ITPR1: variants seen among roughly 807,000 people sequenced by gnomAD.
ITPR1 encodes inositol 1,4,5-trisphosphate receptor type 1, also known as inositol 1,4,5-trisphosphate-gated calcium channel ITPR1.
In ITPR1, 96 loss-of-function variants were observed where a neutral mutation model predicts 318.4. The ratio of observed to expected loss-of-function variants is 0.30; its 90% CI spans 0.26 to 0.36. The LOEUF (loss-of-function observed/expected upper bound fraction) is 0.36, where lower values mean the gene tolerates loss of function less well. Among genes scored for constraint, ITPR1 ranks in the 10% least tolerant of loss-of-function variants. The probability of loss-of-function intolerance (pLI) is 1.00; values close to 1 mark genes in which losing one functional copy is unlikely to be tolerated. For missense variants in ITPR1, 2,440 were observed against 3,460.2 expected, an observed-to-expected ratio of 0.71 and a Z score of 7.40; for synonymous variants, 1,312 against 1,289.9, an observed-to-expected ratio of 1.02 and a Z score of -0.37.
At chr3:4,635,546 TG>T (rs2093161216) in intron 5 of ITPR1, among the ~76,000 whole-genome samples, 1 of 151,904 alleles carries the variant, frequency 6.6e-6, no homozygotes, top group Non-Finnish European at 1.5e-5. Flanking sequence ...GGGGTTTCCC[TG>T]TGTTAGCCAG....
intron 4 of ITPR1, among the ~76,000 whole-genome samples, chr3:4,613,588 C>T (rs185796303): frequency 6.6e-6 from 1 of 152,266 alleles, no homozygotes; most frequent in Non-Finnish European, 1.5e-5. Context: ...GATGTCATCT[C>T]TCTCTCTTCT....
At chr3:4,558,453 CAAT>C (rs2086354834) in intron 4 of ITPR1, among the ~76,000 whole-genome samples, 1 of 151,884 alleles carries the variant, frequency 6.6e-6, no homozygotes, top group Non-Finnish European at 1.5e-5. Context: ...TAATCAACCT[CAAT>C]GATATGAAAG....
rs1250499934 is a variant in ITPR1, at chr3:4,725,615, C to T, written c.5172+34C>T. On this transcript the variant is annotated intron_variant, in intron 41 of 61. Coordinates refer to ENST00000649015, the MANE Select transcript of ITPR1 (RefSeq NM_001378452.1). ...CCCGCCTATATTTGTAGCGCCAGCG[C>T]CAGCAAATATGGATGCCTCTCAGTT... is the stretch of plus-strand genomic sequence containing the variant. 1.9e-6 allele frequency: 3 copies of T among 1,577,766 alleles called. No homozygotes were observed. The South Asian group carries it at 3.3e-5, about 17-fold the overall frequency.
Position 4,664,472 on chromosome 3 carries a change from G to C in ITPR1, c.1555-666G>C, listed in dbSNP as rs555766767. Among the ~76,000 whole-genome samples, 3 of 152,326 alleles carry C rather than the reference G, an allele frequency of 2.0e-5. No homozygotes were observed. The South Asian group carries it at 6.2e-4, about 32-fold the overall frequency. Reference sequence around the variant, plus strand: ...AGTCCCACTGGTCCCCATGGAACAAGGGATTTGAGATTATTTTTTCATGTT... The same window carrying C: ...AGTCCCACTGGTCCCCATGGAACAACGGATTTGAGATTATTTTTTCATGTT... On this transcript the variant is annotated intron_variant, in intron 16 of 61. Transcript: ENST00000649015.
intron 4 of ITPR1, among the ~76,000 whole-genome samples, chr3:4,602,129 A>G (rs1049236825): frequency 6.6e-6 from 1 of 152,240 alleles, no homozygotes; most frequent in African/African-American, 2.4e-5. Flanking sequence ...AAGTTAGGCA[A>G]TTCCTCAAAA....
chr3:4,730,371 A>ATGTGTG (rs369249391), intron 42 of ITPR1, among the ~76,000 whole-genome samples: 121 of 57,366 alleles, frequency 2.1e-3, no homozygotes, highest in South Asian at 3.9e-3. Context: ...GTTGGGTGGA[A>ATGTGTG]TGTGTGTGTG....
chr3:4,685,289 T>C (rs2094373568), intron 30 of ITPR1, 83 bp downstream of exon 30: 28 of 1,361,672 alleles, frequency 2.1e-5, no homozygotes, highest in Non-Finnish European at 2.7e-5. Flanking sequence ...ATCTGGATAT[T>C]GTTAGTGAAG....
At position 4,836,906 on chromosome 3, in the gene ITPR1, T is replaced by C. The variant is rs1394842658; in HGVS notation, c.8161T>C (p.Ser2721Pro). The change falls in exon 61 of 62, where the codon TCT becomes CCT. Residue 2721 changes from serine to proline, a missense_variant. This residue lies in a region of ITPR1 where 63 missense variants were observed against 63.4 expected (regional missense o/e 0.99). Coordinates refer to ENST00000649015, the MANE Select transcript of ITPR1 (RefSeq NM_001378452.1). ...ESTMKLVTNL[S>P]GQLSELKDQM... Reference sequence around the variant, plus strand: ...CACCATGAAACTTGTCACGAACCTTTCTGGCCAGCTGTCGGAATTAAAGGA... The same window carrying C: ...CACCATGAAACTTGTCACGAACCTTCCTGGCCAGCTGTCGGAATTAAAGGA... 6.3e-7 allele frequency: 1 copy of C among 1,594,180 alleles called. No homozygotes were observed. The highest frequency in any genetic ancestry group is 1.3e-5 in the African/African-American group (1 of 74,600).
At chr3:4,636,232 G>T (rs2093185919) in intron 5 of ITPR1, among the ~76,000 whole-genome samples, 1 of 152,158 alleles carries the variant, frequency 6.6e-6, no homozygotes, top group South Asian at 2.1e-4. Flanking sequence ...ATTTAGAAAA[G>T]AAATGGGAAG....
intron 60 of ITPR1, among the ~76,000 whole-genome samples, chr3:4,822,302 C>T (rs1478051577): frequency 6.6e-6 from 1 of 152,196 alleles, no homozygotes; most frequent in East Asian, 1.9e-4. Context: ...CTGACAGAAG[C>T]ATCATTTCCT....
chr3:4,830,140 A>AT (rs377328251), intron 60 of ITPR1, among the ~76,000 whole-genome samples: 5 of 150,968 alleles, frequency 3.3e-5, no homozygotes, highest in Non-Finnish European at 7.4e-5. Context: ...TGCCCAGCTA[A>AT]TTTTTTTGTA....
intron 36 of ITPR1, among the ~76,000 whole-genome samples, chr3:4,703,740 G>A (rs577824762): frequency 6.6e-5 from 10 of 152,324 alleles, no homozygotes; most frequent in Non-Finnish European, 1.0e-4. Context: ...TGGGAGATAC[G>A]TATAATCTAT....
At chr3:4,718,838 A>G (rs961819133) in intron 40 of ITPR1, among the ~76,000 whole-genome samples, 2 of 152,234 alleles carry the variant, frequency 1.3e-5, no homozygotes, top group Non-Finnish European at 2.9e-5. Context: ...GGTTATTTAT[A>G]TGCCAGAAAA....
chr3:4,709,717 T>C (rs2041206649), intron 37 of ITPR1, among the ~76,000 whole-genome samples: 1 of 152,270 alleles, frequency 6.6e-6, no homozygotes, highest in South Asian at 2.1e-4. Flanking sequence ...TTGAAGACCA[T>C]CATGCTATCA....
At chr3:4,597,722 C>T (rs2090957410) in intron 4 of ITPR1, among the ~76,000 whole-genome samples, 1 of 152,136 alleles carries the variant, frequency 6.6e-6, no homozygotes, top group African/African-American at 2.4e-5. Flanking sequence ...GAGGTAAAGT[C>T]CAGGTTAACT....
intron 44 of ITPR1, among the ~76,000 whole-genome samples, chr3:4,759,092 A>T (rs2045242929): frequency 6.6e-6 from 1 of 152,202 alleles, no homozygotes; most frequent in Non-Finnish European, 1.5e-5. Context: ...GCATCCAGTG[A>T]TAATTCCAGG....
At chr3:4,809,514 A>G (rs1242732469) in intron 55 of ITPR1, among the ~76,000 whole-genome samples, 2 of 152,192 alleles carry the variant, frequency 1.3e-5, no homozygotes, top group Non-Finnish European at 2.9e-5. Flanking sequence ...ATATCTATAA[A>G]TTGCATTTTT....
At chr3:4,637,129 G>A (rs1298326347) in intron 5 of ITPR1, among the ~76,000 whole-genome samples, 2 of 152,210 alleles carry the variant, frequency 1.3e-5, no homozygotes, top group African/African-American at 4.8e-5. Context: ...AATCCTTTCA[G>A]CTTGGGCTTT....
At chr3:4,686,272 A>T (rs921898735) in intron 30 of ITPR1, among the ~76,000 whole-genome samples, 3 of 152,106 alleles carry the variant, frequency 2.0e-5, no homozygotes, top group African/African-American at 4.8e-5. Context: ...CTATGAAAGG[A>T]TCCTCCTCCT....
Sources: gnomAD v4.1 joint callset for allele counts (sites outside exome capture counted in the v4.1 genomes callset) on GRCh38, gnomAD v4.1.1 for gene constraint, gnomAD v4.1.1 regional missense constraint, MANE v1.5 for transcripts, NCBI Gene and HGNC (gene_info 2026-07-23, HGNC 2026-07-21) for gene names.